CNTNAP5: variants seen among roughly 807,000 people sequenced by gnomAD.
The protein encoded by CNTNAP5 is contactin-associated protein-like 5.
CNTNAP5 carries 72 observed loss-of-function variants against 150.2 expected under a neutral mutation model. The ratio of observed to expected loss-of-function variants is 0.48; its 90% CI spans 0.40 to 0.58. CNTNAP5 has a LOEUF of 0.58. Among genes scored for constraint, CNTNAP5 ranks in the 20% least tolerant of loss-of-function variants. The pLI, the probability that CNTNAP5 is intolerant of heterozygous loss-of-function variation, is 0.00. For synonymous variants in CNTNAP5, 672 were observed against 619.8 expected, an observed-to-expected ratio of 1.08 and a Z score of -1.25; for missense variants, 1,636 against 1,626.2, an observed-to-expected ratio of 1.01 and a Z score of -0.10.
intron 19 of CNTNAP5, among the ~76,000 whole-genome samples, chr2:124,863,178 G>A (rs1677560780): frequency 6.6e-6 from 1 of 152,140 alleles, no homozygotes; most frequent in Non-Finnish European, 1.5e-5. Context: ...AGGAATGTGG[G>A]GGTCGATCAC....
intron 13 of CNTNAP5, among the ~76,000 whole-genome samples, chr2:124,687,181 T>C (rs964381734): frequency 6.6e-6 from 1 of 152,028 alleles, no homozygotes; most frequent in African/African-American, 2.4e-5. Context: ...TCCATGCCAG[T>C]GTCTCTCAAA....
chr2:124,821,123 T>C (rs1260035631), intron 19 of CNTNAP5, among the ~76,000 whole-genome samples: 1 of 152,136 alleles, frequency 6.6e-6, no homozygotes, highest in African/African-American at 2.4e-5. Context: ...TTACCTTTTA[T>C]AGGAAAAGTA....
chr2:124,146,249 G>A (rs764988436), intron 1 of CNTNAP5, among the ~76,000 whole-genome samples: 2 of 152,106 alleles, frequency 1.3e-5, no homozygotes, highest in African/African-American at 4.8e-5. Context: ...ATGCCTAACT[G>A]TGCCAAAAGC....
chr2:124,271,571 T>C (rs1310596357), intron 3 of CNTNAP5, among the ~76,000 whole-genome samples: 1 of 152,186 alleles, frequency 6.6e-6, no homozygotes, highest in Non-Finnish European at 1.5e-5. Flanking sequence ...TCAGGGTCTC[T>C]CTGAAGTTAT....
intron 1 of CNTNAP5, among the ~76,000 whole-genome samples, chr2:124,120,843 G>A (rs1041452958): frequency 6.6e-6 from 1 of 152,108 alleles, no homozygotes; most frequent in Admixed American, 6.6e-5. Context: ...TCAATGAAGT[G>A]CCTGGGTATG....
chr2:124,074,477 G>T (rs1398360505), intron 1 of CNTNAP5, among the ~76,000 whole-genome samples: 1 of 152,026 alleles, frequency 6.6e-6, no homozygotes, highest in African/African-American at 2.4e-5. Context: ...CACGTACTAT[G>T]TATCCACAAA....
chr2:124,617,840 C>A (rs1038470773), intron 12 of CNTNAP5, among the ~76,000 whole-genome samples: 1 of 152,070 alleles, frequency 6.6e-6, no homozygotes, highest in Admixed American at 6.6e-5. Flanking sequence ...ACAGGAGAGA[C>A]CCTAACCTAG....
chr2:124,898,218 T>G (rs900524103), intron 21 of CNTNAP5, among the ~76,000 whole-genome samples: 5 of 151,512 alleles, frequency 3.3e-5, no homozygotes, highest in Admixed American at 2.6e-4. Flanking sequence ...AAGCCCCTGT[T>G]GTATGGGTCT....
At chr2:124,226,454 G>T (rs571922052) in intron 2 of CNTNAP5, among the ~76,000 whole-genome samples, 1 of 152,002 alleles carries the variant, frequency 6.6e-6, no homozygotes, top group Non-Finnish European at 1.5e-5. Context: ...TGGGTTATTT[G>T]TTTTTTTGCT....
At chr2:124,607,109 C>A (rs1196515575) in intron 11 of CNTNAP5, among the ~76,000 whole-genome samples, 1 of 152,094 alleles carries the variant, frequency 6.6e-6, no homozygotes, top group Non-Finnish European at 1.5e-5. Flanking sequence ...ATTTATACTT[C>A]GAGAGTTGAT....
At chr2:124,419,902 TTC>T (rs1292079564) in intron 4 of CNTNAP5, among the ~76,000 whole-genome samples, 1 of 104,050 alleles carries the variant, frequency 9.6e-6, no homozygotes, top group Non-Finnish European at 1.9e-5. Flanking sequence ...TTGGTTTTCT[TTC>T]TTTCTTTCTT....
chr2:124,218,572 C>T (rs562039076), intron 1 of CNTNAP5, among the ~76,000 whole-genome samples: 13 of 152,220 alleles, frequency 8.5e-5, no homozygotes, highest in African/African-American at 2.9e-4. Flanking sequence ...TGGATCTTTC[C>T]ATTAGCATAA....
intron 19 of CNTNAP5, among the ~76,000 whole-genome samples, chr2:124,855,173 T>TG (rs1677341242): frequency 1.1e-5 from 1 of 88,390 alleles, no homozygotes; most frequent in African/African-American, 6.1e-5. Flanking sequence ...TTTGCTTTTT[T>TG]TTTTTTTTTT....
intron 12 of CNTNAP5, among the ~76,000 whole-genome samples, chr2:124,614,626 G>A (rs762934082): frequency 2.6e-5 from 4 of 152,070 alleles, no homozygotes; most frequent in African/African-American, 7.2e-5. Context: ...TGGCTCTGGC[G>A]GGAGTGTCTC....
At chr2:124,208,884 T>C (rs1337722746) in intron 1 of CNTNAP5, among the ~76,000 whole-genome samples, 3 of 152,238 alleles carry the variant, frequency 2.0e-5, no homozygotes, top group Non-Finnish European at 2.9e-5. Flanking sequence ...GTAGCTATCA[T>C]TAATTAAGCA....
At chr2:124,261,224 T>C (rs1427659291) in intron 3 of CNTNAP5, among the ~76,000 whole-genome samples, 2 of 152,170 alleles carry the variant, frequency 1.3e-5, no homozygotes, top group Admixed American at 1.3e-4. Flanking sequence ...CTATTCTGTG[T>C]TGGGACTCAT....
At chr2:124,135,239 C>T (rs1224144065) in intron 1 of CNTNAP5, 1 of 152,204 alleles carries the variant, frequency 6.6e-6, no homozygotes, top group African/African-American at 2.4e-5. Flanking sequence ...TTTCTGAGAA[C>T]TCATATCTGC....
At chr2:124,149,491 G>A (rs1684351890) in intron 1 of CNTNAP5, among the ~76,000 whole-genome samples, 1 of 150,920 alleles carries the variant, frequency 6.6e-6, no homozygotes, top group Admixed American at 6.6e-5. Context: ...AAACACACTG[G>A]CTTTACAGTT....
At chr2:124,907,437 GTCTA>G (rs1353976696) in intron 22 of CNTNAP5, among the ~76,000 whole-genome samples, 4 of 150,070 alleles carry the variant, frequency 2.7e-5, no homozygotes, top group Admixed American at 6.7e-5. Context: ...GTTGCTCAAT[GTCTA>G]TCTATATTAT....
Sources: allele counts gnomAD v4.1 joint callset (sites outside exome capture counted in the v4.1 genomes callset), GRCh38; gene constraint gnomAD v4.1.1; transcripts MANE v1.5; gene names NCBI Gene and HGNC (gene_info 2026-07-23, HGNC 2026-07-21).